TTC17: variants seen among roughly 807,000 people sequenced by gnomAD.
TTC17 encodes tetratricopeptide repeat domain 17.
Under a neutral mutation model 143.8 loss-of-function variants are expected in TTC17, and 58 were observed. The ratio of observed to expected loss-of-function variants is 0.40; its 90% confidence interval spans 0.33 to 0.50. The LOEUF (loss-of-function observed/expected upper bound fraction) is 0.50, where lower values mean the gene tolerates loss of function less well. Among genes scored for constraint, TTC17 ranks in the 20% least tolerant of loss-of-function variants. The probability of loss-of-function intolerance (pLI) is 0.49; values close to 1 mark genes in which losing one functional copy is unlikely to be tolerated. For missense variants in TTC17, 1,273 were observed against 1,392.5 expected, an observed-to-expected ratio of 0.91 and a Z score of 1.37; for synonymous variants, 501 against 497.8, an observed-to-expected ratio of 1.01 and a Z score of -0.09.
chr11:43,418,480 G>A (rs1236447122), intron 16 of TTC17, among the ~76,000 whole-genome samples: 1 of 152,004 alleles, frequency 6.6e-6, no homozygotes, highest in Non-Finnish European at 1.5e-5. Context: ...ACATTTATAG[G>A]CTTGTCATTT....
rs1224919715 is a variant in TTC17 at position 43,494,721 on chromosome 11, C to G, written c.*817C>G. On this transcript the variant is annotated 3_prime_UTR_variant, in exon 24 of 24. Transcript: ENST00000039989. Reference sequence around the variant, plus strand: ...GTCTATGTTTTACTAATTCTTTGTTCACTGTGTTACCCATCTTGGAATAAG... The same window carrying G: ...GTCTATGTTTTACTAATTCTTTGTTGACTGTGTTACCCATCTTGGAATAAG... 6.6e-6 allele frequency: 1 copy of G among 152,082 alleles called. No homozygotes were observed. The highest frequency in any genetic ancestry group is 2.4e-5 in the African/African-American group (1 of 41,394). The allele number at this position is 152,082 out of a possible 1,614,324, so 9.4% of individuals were successfully genotyped here.
chr11:43,438,831 T>C (rs1027186317), intron 16 of TTC17, among the ~76,000 whole-genome samples: 5 of 152,260 alleles, frequency 3.3e-5, no homozygotes, highest in African/African-American at 1.2e-4. Flanking sequence ...TCACCTTCTG[T>C]TAATTGGCTT....
At position 43,359,083 on chromosome 11, in the gene TTC17, C is replaced by G; in HGVS notation, c.129C>G (p.Val43=). ...GGGCCTTCGCCACCACGCACTGGGT[C>G]GTCACGGAGGACGGGAAAATCCAGC... is the stretch of plus-strand genomic sequence containing the variant. The part of the protein sequence containing the change: ...ARGAFATTHW[V]VTEDGKIQQQ... Residue 43 remains valine, a synonymous_variant, in exon 1 of 24, where the codon GTC becomes GTG. Coordinates refer to ENST00000039989, the MANE Select transcript of TTC17 (RefSeq NM_018259.6). 1.3e-6 allele frequency: 2 copies of G among 1,588,982 alleles called. No homozygotes were observed. The highest frequency in any genetic ancestry group is 2.3e-5 in the South Asian group (2 of 87,964).
At chr11:43,471,480 G>A (rs1249057421) in intron 21 of TTC17, among the ~76,000 whole-genome samples, 2 of 152,314 alleles carry the variant, frequency 1.3e-5, no homozygotes, top group African/African-American at 4.8e-5. Flanking sequence ...TGCATCAGCT[G>A]CACCAAGGCA....
intron 16 of TTC17, among the ~76,000 whole-genome samples, chr11:43,429,826 T>C (rs1173176871): frequency 6.6e-6 from 1 of 152,202 alleles, no homozygotes; most frequent in Non-Finnish European, 1.5e-5. Flanking sequence ...ATAGGTACTT[T>C]AATTGAATAT....
chr11:43,485,243 T>A (rs1278423137), intron 21 of TTC17, among the ~76,000 whole-genome samples: 1 of 152,058 alleles, frequency 6.6e-6, no homozygotes, highest in Admixed American at 6.6e-5. Context: ...CTGTGATATA[T>A]TAAAAAAGTA....
At chr11:43,439,679 C>T (rs1444228794) in intron 16 of TTC17, among the ~76,000 whole-genome samples, 1 of 152,066 alleles carries the variant, frequency 6.6e-6, no homozygotes, top group African/African-American at 2.4e-5. Flanking sequence ...CCATGTTGGC[C>T]AGGCTGGTCT....
At chr11:43,467,982 A>G (rs1467430997) in intron 21 of TTC17, among the ~76,000 whole-genome samples, 1 of 152,236 alleles carries the variant, frequency 6.6e-6, no homozygotes, top group Non-Finnish European at 1.5e-5. Context: ...CCTAAGAATT[A>G]TGAAAGACAT....
intron 16 of TTC17, among the ~76,000 whole-genome samples, chr11:43,426,645 A>G (rs1453106378): frequency 6.6e-6 from 1 of 152,170 alleles, no homozygotes; most frequent in Admixed American, 6.5e-5. Flanking sequence ...TGCAAAGGAC[A>G]TTTCCTAGTG....
At chr11:43,440,851 C>G (rs1947401699) in intron 16 of TTC17, among the ~76,000 whole-genome samples, 1 of 152,176 alleles carries the variant, frequency 6.6e-6, no homozygotes, top group Non-Finnish European at 1.5e-5. Flanking sequence ...TTACTATCCC[C>G]TGTATACATT....
At chr11:43,463,162 C>T (rs909921736) in intron 21 of TTC17, among the ~76,000 whole-genome samples, 14 of 152,176 alleles carry the variant, frequency 9.2e-5, no homozygotes, top group Non-Finnish European at 1.6e-4. Context: ...GATCCACCCG[C>T]CTCAGCCTCA....
chr11:43,372,153 T>G (rs1020132360), intron 1 of TTC17, among the ~76,000 whole-genome samples: 1 of 152,238 alleles, frequency 6.6e-6, no homozygotes, highest in Non-Finnish European at 1.5e-5. Context: ...TCAGTCACTG[T>G]TGTTAGGAAT....
At chr11:43,435,166 T>G (rs558305538) in intron 16 of TTC17, 1 of 152,292 alleles carries the variant, frequency 6.6e-6, no homozygotes, top group African/African-American at 2.4e-5. Context: ...CTCTAAAAAT[T>G]AAACATAGAA....
At chr11:43,477,639 G>A (rs1055830635) in intron 21 of TTC17, among the ~76,000 whole-genome samples, 11 of 152,110 alleles carry the variant, frequency 7.2e-5, no homozygotes, top group East Asian at 1.9e-4. Flanking sequence ...GGGAAAGACC[G>A]GCCCCCATGA....
chr11:43,461,325 A>G (rs1387997736), intron 21 of TTC17, among the ~76,000 whole-genome samples: 1 of 140,368 alleles, frequency 7.1e-6, no homozygotes, highest in East Asian at 2.3e-4. Context: ...CGGAGCTTGC[A>G]GTGAGCCGAG....
chr11:43,403,918 C>G, intron 10 of TTC17, 80 bp from the exon 11 acceptor site: 1 of 1,277,824 alleles, frequency 7.8e-7, no homozygotes, highest in Non-Finnish European at 1.1e-6. Flanking sequence ...TATTCACTCG[C>G]TTTTTTGGTG....
At chr11:43,386,265 C>T (rs970713647) in intron 2 of TTC17, among the ~76,000 whole-genome samples, 4 of 151,908 alleles carry the variant, frequency 2.6e-5, no homozygotes, top group African/African-American at 4.8e-5. Flanking sequence ...CATTGCTTAA[C>T]GTCAGGAATA....
rs1479455473 is a variant in TTC17 at position 43,409,610 on chromosome 11, G to A, written c.2064+2033G>A. 3.3e-5 allele frequency among the ~76,000 whole-genome samples: 5 copies of A among 152,170 alleles called. No individual in the cohort carries two copies. The East Asian group carries it at 9.6e-4, about 29-fold the overall frequency. On this transcript the variant is annotated intron_variant, in intron 15 of 23. Transcript: ENST00000039989. ...TGGAATTTCCCCTTTGATAGATGAG[G>A]AAACTCTTAAGAGTTAAATGTACAG...
chr11:43,417,653 T>C (rs531209867), intron 16 of TTC17, among the ~76,000 whole-genome samples: 1 of 152,228 alleles, frequency 6.6e-6, no homozygotes, highest in South Asian at 2.1e-4. Context: ...CTGGCCAACA[T>C]GGTGAAACCC....
Sources: gnomAD v4.1 joint callset for allele counts (sites outside exome capture counted in the v4.1 genomes callset) on GRCh38, gnomAD v4.1.1 for gene constraint, MANE v1.5 for transcripts, NCBI Gene and HGNC (gene_info 2026-07-23, HGNC 2026-07-21) for gene names.